The following LAMA2 variants were observed in gnomAD, a reference collection of about 807,000 sequenced individuals.
The protein encoded by LAMA2 is laminin subunit alpha-2.
Under a neutral mutation model 364.8 loss-of-function variants are expected in LAMA2, and 269 were observed. The ratio of observed to expected loss-of-function variants is 0.74; its 90% CI spans 0.67 to 0.82. The LOEUF (loss-of-function observed/expected upper bound fraction) is 0.82. Among genes scored for constraint, LAMA2 ranks in the 40% least tolerant of loss-of-function variants. The probability of loss-of-function intolerance (pLI) is 0.00; values close to 1 mark genes in which losing one functional copy is unlikely to be tolerated. For synonymous variants in LAMA2, 1,379 were observed against 1,370.6 expected, an observed-to-expected ratio of 1.01 and a Z score of -0.14; for missense variants, 3,807 against 3,873.2, an observed-to-expected ratio of 0.98 and a Z score of 0.45.
Position 129,464,376 on chromosome 6 carries a change from A to G in LAMA2, c.7079A>G (p.Asn2360Ser), listed in dbSNP as rs1783428733. The G allele has an allele frequency of 2.5e-6, 4 of 1,612,244 alleles. No individual in the cohort carries two copies. The highest frequency in any genetic ancestry group is 3.4e-6 in the Non-Finnish European group (4 of 1,178,608). ...LVSRPIRWYP[N>S]ISTVMFKFRT... Reference sequence around the variant, plus strand: ...AGCCGTCCCATTCGCTGGTACCCCAACATCTCCACTGTCATGTTCAAGTTC... The same window carrying G: ...AGCCGTCCCATTCGCTGGTACCCCAGCATCTCCACTGTCATGTTCAAGTTC... The change falls in exon 50 of 65, where the codon AAC becomes AGC. Residue 2360 changes from asparagine to serine, a missense_variant. Around this residue, in one of 3 missense-constraint regions of LAMA2, gnomAD observed 3,333 missense variants for 3,345.7 expected, o/e 1.00. Coordinates refer to ENST00000421865, the MANE Select transcript of LAMA2 (RefSeq NM_000426.4).
At chr6:129,250,069 C>T (rs1010112412) in intron 12 of LAMA2, 43 bp from the exon 13 acceptor site, 7 of 1,112,270 alleles carry the variant, frequency 6.3e-6, no homozygotes, top group African/African-American at 1.5e-5. Context: ...ATTTAATAGC[C>T]CATCTCCTAT....
intron 4 of LAMA2, among the ~76,000 whole-genome samples, chr6:129,110,288 A>C (rs1299036829): frequency 6.6e-6 from 1 of 152,054 alleles, no homozygotes; most frequent in Non-Finnish European, 1.5e-5. Flanking sequence ...AGAACTATTA[A>C]ATGAACTTGA....
intron 4 of LAMA2, among the ~76,000 whole-genome samples, chr6:129,111,743 C>G (rs1026633540): frequency 1.3e-5 from 2 of 151,850 alleles, no homozygotes; most frequent in Admixed American, 1.3e-4. Flanking sequence ...TTTGTGAAGG[C>G]CTTTTCTTTA....
intron 3 of LAMA2, among the ~76,000 whole-genome samples, chr6:129,083,701 T>A (rs1264449673): frequency 6.6e-6 from 1 of 152,208 alleles, no homozygotes; most frequent in Non-Finnish European, 1.5e-5. Context: ...TCAAAGTAGA[T>A]GTAGGTTCTC....
intron 1 of LAMA2, among the ~76,000 whole-genome samples, chr6:128,949,720 TTC>T (rs1379636175): frequency 6.6e-6 from 1 of 152,132 alleles, no homozygotes; most frequent in Non-Finnish European, 1.5e-5. Flanking sequence ...GGGTAATTCT[TTC>T]TGTTTTTATT....
chr6:129,280,301 A>T (rs1342613588), intron 18 of LAMA2, among the ~76,000 whole-genome samples, 154 bp downstream of exon 18: 2 of 152,240 alleles, frequency 1.3e-5, no homozygotes, highest in African/African-American at 4.8e-5. Flanking sequence ...AAACAAATGC[A>T]TTATATTTTT....
At chr6:129,161,374 A>G (rs543428393) in intron 8 of LAMA2, among the ~76,000 whole-genome samples, 8 of 152,274 alleles carry the variant, frequency 5.3e-5, no homozygotes, top group African/African-American at 1.7e-4. Context: ...ATAGTTAATA[A>G]TATGATTGGG....
intron 41 of LAMA2, among the ~76,000 whole-genome samples, chr6:129,432,962 C>T (rs1303390899): frequency 6.6e-6 from 1 of 152,164 alleles, no homozygotes; most frequent in African/African-American, 2.4e-5. Flanking sequence ...GATCTAATTT[C>T]TTACTTTCAG....
At chr6:129,464,997 A>G in intron 50 of LAMA2, 148 bp from the exon 51 acceptor site, 1 of 702,632 alleles carries the variant, frequency 1.4e-6, no homozygotes, top group South Asian at 1.7e-5. Flanking sequence ...TAGTAACACC[A>G]ATTCTATTTT....
chr6:129,308,666 A>G (rs9375623), intron 22 of LAMA2, among the ~76,000 whole-genome samples: 52,570 of 152,106 alleles, frequency 0.35, 10,662 homozygotes, highest in Non-Finnish European at 0.45. Context: ...TAGAGCCTGT[A>G]TCAGACAATT....
rs145266584 is a variant in LAMA2, at chr6:128,981,579, CAAA to C, written c.113-68318_113-68316del. 9.9e-3 allele frequency among the ~76,000 whole-genome samples: 1,187 copies of C among 119,436 alleles called. 6 individuals are homozygous for C. The highest frequency in any genetic ancestry group is 0.037 in the Middle Eastern group (9 of 242). The allele number at this position is 119,436 out of a possible 152,430, so 78.4% of individuals were successfully genotyped here. A position where few individuals can be genotyped will look rare whatever the true frequency, so the allele number is the denominator to read the frequency against. On this transcript the variant is annotated intron_variant, in intron 1 of 64. Transcript: ENST00000421865. ...GCAATATGCGAAACCCCATCTCTAC[CAAA>C]AAAAAAAAAAAAAAAAAAAATTGCT...
At chr6:128,910,601 A>G (rs1031903092) in intron 1 of LAMA2, among the ~76,000 whole-genome samples, 4 of 152,144 alleles carry the variant, frequency 2.6e-5, no homozygotes, top group Admixed American at 1.3e-4. Context: ...CGTAGCTCAG[A>G]GTAATTTGAT....
intron 1 of LAMA2, among the ~76,000 whole-genome samples, chr6:128,985,474 C>T (rs1243771676): frequency 1.3e-5 from 2 of 151,844 alleles, no homozygotes; most frequent in African/African-American, 4.8e-5. Flanking sequence ...CCTTTAAATC[C>T]AGAAATGTCA....
At chr6:129,465,447 T>C (rs2114810432) in intron 51 of LAMA2, among the ~76,000 whole-genome samples, 158 bp downstream of exon 51, 1 of 152,080 alleles carries the variant, frequency 6.6e-6, no homozygotes, top group East Asian at 1.9e-4. Context: ...TTATAGGTGA[T>C]TTGGGTTAGA....
intron 52 of LAMA2, among the ~76,000 whole-genome samples, chr6:129,474,887 G>A (rs963150495): frequency 1.9e-4 from 29 of 152,182 alleles, no homozygotes; most frequent in South Asian, 6.2e-4. Flanking sequence ...TTTCAAAACA[G>A]CCATTAGAGG....
At chr6:128,996,820 T>C (rs1042158807) in intron 1 of LAMA2, among the ~76,000 whole-genome samples, 1 of 152,188 alleles carries the variant, frequency 6.6e-6, no homozygotes, top group African/African-American at 2.4e-5. Context: ...TAAAGACACA[T>C]GCACACGTAT....
At chr6:128,959,324 T>C (rs1781338402) in intron 1 of LAMA2, among the ~76,000 whole-genome samples, 1 of 152,182 alleles carries the variant, frequency 6.6e-6, no homozygotes, top group African/African-American at 2.4e-5. Context: ...GTAGCTTCCT[T>C]AGAAAGAGTG....
In LAMA2 at chr6:129,507,611, A is replaced by G. The variant is rs915449092; in HGVS notation, c.8826A>G (p.Thr2942=). The stretch of plus-strand genomic sequence containing the variant: ...GTTTTGCAAATGCTCAGAGGGGAAC[A>G]TATTTTGACGGAACCGGTTTTGCCA... ...GTCFANAQRG[T]YFDGTGFAKA... The change falls in exon 62 of 65, where the codon ACA becomes ACG. Residue 2942 remains threonine (T), a synonymous_variant. Transcript: ENST00000421865. 16 of 1,614,100 alleles carry G rather than the reference A, an allele frequency of 9.9e-6. No homozygotes were observed. In the East Asian group the frequency reaches 1.3e-4, roughly 13 times the overall value.
chr6:129,347,587 C>T (rs948370942), intron 30 of LAMA2, among the ~76,000 whole-genome samples: 4 of 152,152 alleles, frequency 2.6e-5, no homozygotes, highest in Non-Finnish European at 5.9e-5. Flanking sequence ...ACACAGAGAG[C>T]AAGCTCTGTA....
Sources: allele counts gnomAD v4.1 joint callset (sites outside exome capture counted in the v4.1 genomes callset), GRCh38; gene constraint gnomAD v4.1.1; regional missense constraint gnomAD v4.1.1; transcripts MANE v1.5; gene names NCBI Gene and HGNC (gene_info 2026-07-23, HGNC 2026-07-21).